Variants in ATF6 observed in about 807,000 individuals in gnomAD.
ATF6 encodes the protein activating transcription factor 6.
Under a neutral mutation model 83.6 loss-of-function variants are expected in ATF6, and 53 were observed. The observed-to-expected ratio is 0.63, with a 90% CI of 0.51 to 0.80. ATF6 has a LOEUF of 0.80. Among genes scored for constraint, ATF6 ranks in the 30% least tolerant of loss-of-function variants. The pLI, the probability that ATF6 is intolerant of heterozygous loss-of-function variation, is 0.00. For missense variants in ATF6, 744 were observed against 797.9 expected (o/e 0.93, Z 0.81); for synonymous variants, 288 against 285.8 (o/e 1.01, Z -0.08).
At chr1:161,956,256 T>C (rs1688963590) in intron 15 of ATF6, among the ~76,000 whole-genome samples, 1 of 152,142 alleles carries the variant, frequency 6.6e-6, no homozygotes. Flanking sequence ...TACATGTGTT[T>C]TCCATTATTT....
intron 14 of ATF6, among the ~76,000 whole-genome samples, chr1:161,887,892 C>T (rs28679701): frequency 6.6e-6 from 1 of 152,214 alleles, no homozygotes; most frequent in Admixed American, 6.5e-5. Context: ...AGACTATACT[C>T]TACACAGCTG....
chr1:161,829,888 T>G (rs973876599), intron 9 of ATF6, among the ~76,000 whole-genome samples: 22 of 152,098 alleles, frequency 1.4e-4, no homozygotes, highest in African/African-American at 4.6e-4. Context: ...CTTTGAAAAC[T>G]GGCACAAGAC....
At chr1:161,819,253 T>C (rs572876799) in intron 7 of ATF6, among the ~76,000 whole-genome samples, 4 of 152,284 alleles carry the variant, frequency 2.6e-5, no homozygotes, top group Middle Eastern at 3.4e-3. Flanking sequence ...AGTGGCCTTA[T>C]AATTAATTGA....
At chr1:161,854,716 CAA>C (rs1345933090) in intron 12 of ATF6, among the ~76,000 whole-genome samples, 3 of 151,934 alleles carry the variant, frequency 2.0e-5, no homozygotes, top group African/African-American at 7.2e-5. Flanking sequence ...CTAAAAAATA[CAA>C]AAAGTTAGCC....
chr1:161,847,431 T>A (rs1468918321), intron 10 of ATF6, among the ~76,000 whole-genome samples: 1 of 152,186 alleles, frequency 6.6e-6, no homozygotes, highest in Non-Finnish European at 1.5e-5. Context: ...TTGTCTCCAC[T>A]TAGCCTTCCT....
At chr1:161,957,222 C>A (rs550281683) in intron 15 of ATF6, among the ~76,000 whole-genome samples, 5 of 151,544 alleles carry the variant, frequency 3.3e-5, no homozygotes, top group African/African-American at 1.2e-4. Flanking sequence ...AAATTCAATT[C>A]TTTGTCTTGG....
At chr1:161,900,970 T>C (rs974395550) in intron 14 of ATF6, among the ~76,000 whole-genome samples, 1 of 152,148 alleles carries the variant, frequency 6.6e-6, no homozygotes, top group African/African-American at 2.4e-5. Context: ...TATGGTGTTA[T>C]GTAAACATAT....
At chr1:161,913,378 CA>C (rs1688029723) in intron 15 of ATF6, among the ~76,000 whole-genome samples, 1 of 152,028 alleles carries the variant, frequency 6.6e-6, no homozygotes, top group South Asian at 2.1e-4. Context: ...GGGGGGATTC[CA>C]GATAAGTTTC....
intron 14 of ATF6, among the ~76,000 whole-genome samples, chr1:161,888,506 G>A (rs1385745549): frequency 6.6e-6 from 1 of 151,896 alleles, no homozygotes; most frequent in South Asian, 2.1e-4. Flanking sequence ...TTCACCTCTT[G>A]GGGGAGGTTT....
intron 15 of ATF6, among the ~76,000 whole-genome samples, chr1:161,915,947 C>T (rs903376297): frequency 6.6e-6 from 1 of 152,122 alleles, no homozygotes. Context: ...ATTACTGTTA[C>T]CTCTGGTGTA....
At chr1:161,811,101 G>A (rs937531929) in intron 7 of ATF6, among the ~76,000 whole-genome samples, 5 of 152,074 alleles carry the variant, frequency 3.3e-5, no homozygotes, top group Non-Finnish European at 5.9e-5. Context: ...TTTTAAGAAC[G>A]ATTTTTAATA....
chr1:161,855,979 G>C (rs1306000919), intron 12 of ATF6, among the ~76,000 whole-genome samples: 1 of 152,174 alleles, frequency 6.6e-6, no homozygotes, highest in Non-Finnish European at 1.5e-5. Flanking sequence ...CTATACATGG[G>C]AATAGAGAAA....
chr1:161,815,269 G>T (rs1685588284), intron 7 of ATF6, among the ~76,000 whole-genome samples: 1 of 138,896 alleles, frequency 7.2e-6, no homozygotes, highest in South Asian at 2.2e-4. Flanking sequence ...ATGGCTCACT[G>T]CAGCCTCAAC....
chr1:161,961,745 C>T lies in ATF6; in HGVS notation c.*3091C>T, dbSNP rs1689104529. ...TCCTGTTATTAGATGATTTTGTGCT[C>T]TTGGGGCTGACAATAATACACTCTT... On this transcript the variant is annotated 3_prime_UTR_variant, in exon 16 of 16. Transcript: ENST00000367942. The T allele has an allele frequency of 6.6e-6, 1 of 152,060 alleles. No individual in the cohort carries two copies. The highest frequency in any genetic ancestry group is 6.6e-5 in the Admixed American group (1 of 15,266). The allele number at this position is 152,060 out of a possible 1,614,324, so 9.4% of individuals were successfully genotyped here.
intron 15 of ATF6, among the ~76,000 whole-genome samples, chr1:161,917,581 C>T (rs923094952): frequency 2.0e-5 from 3 of 152,096 alleles, no homozygotes; most frequent in Admixed American, 6.6e-5. Context: ...CCACCACGCC[C>T]GGCTAATTTT....
chr1:161,963,350 G>T lies in ATF6; in HGVS notation c.*4696G>T, dbSNP rs575511842. ...ATCTGATTAGAAAATTTGATCTTAC[G>T]CATGAATCCATGTCATGGCCAGCCA... On this transcript the variant is annotated 3_prime_UTR_variant, in exon 16 of 16. Coordinates refer to ENST00000367942, the MANE Select transcript of ATF6 (RefSeq NM_007348.4). 2 of 152,284 alleles carry T rather than the reference G, an allele frequency of 1.3e-5. No homozygotes were observed. Among genetic ancestry groups the T allele is most frequent in the African/African-American group, 4.8e-5 (2 of 41,562 alleles). The allele number at this position is 152,284 out of a possible 1,614,324, so 9.4% of individuals were successfully genotyped here.
rs1686639487 is a variant in ATF6, at chr1:161,851,834, A to C, written c.1432A>C (p.Arg478=). The C allele has an allele frequency of 6.2e-7, 1 of 1,607,258 alleles. No homozygotes were observed. The highest frequency in any genetic ancestry group is 1.3e-5 in the African/African-American group (1 of 74,892). Reference sequence around the variant, plus strand: ...CCTAATTAACACAACAGAGTCTCTCAGGTGAGTGTTGTAGATTATTGCAGA... The same window carrying C: ...CCTAATTAACACAACAGAGTCTCTCCGGTGAGTGTTGTAGATTATTGCAGA... ...QPLINTTESL[R]LNHELRGWVH... is the part of the protein sequence containing the mutation. Residue 478 remains arginine, a splice_region_variant and synonymous_variant, in exon 11 of 16, where the codon AGG becomes CGG. Transcript: ENST00000367942.
intron 15 of ATF6, among the ~76,000 whole-genome samples, chr1:161,958,112 G>A (rs1434155772): frequency 2.6e-5 from 4 of 152,152 alleles, no homozygotes; most frequent in African/African-American, 9.7e-5. Flanking sequence ...TGTTCCAGTT[G>A]CTCCAATCAG....
At position 161,955,503 on chromosome 1, in the gene ATF6, C is replaced by G. The variant is rs150187577; in HGVS notation, c.1805-2943C>G. The stretch of plus-strand genomic sequence containing the variant: ...ACCCAGGGGAGGGACCTACAAAGAT[C>G]ATGAGTTACCACGAGCTGTTTCCAG... On this transcript the variant is annotated intron_variant, in intron 15 of 15. Coordinates refer to ENST00000367942, the MANE Select transcript of ATF6 (RefSeq NM_007348.4). Among the ~76,000 whole-genome samples the G allele has an allele frequency of 4.7e-4, 71 of 152,322 alleles. No homozygotes were observed. The East Asian group carries it at 0.011, about 24-fold the overall frequency.
Sources: allele counts gnomAD v4.1 joint callset (sites outside exome capture counted in the v4.1 genomes callset), GRCh38; gene constraint gnomAD v4.1.1; transcripts MANE v1.5; gene names NCBI Gene and HGNC (gene_info 2026-07-23, HGNC 2026-07-21).